NREP: variants seen among roughly 807,000 people sequenced by gnomAD.
NREP encodes neuronal regeneration-related protein.
Under a neutral mutation model 8.6 loss-of-function variants are expected in NREP, and 5 were observed. That is an observed-to-expected ratio of 0.58 (90% CI 0.30 to 1.22). The LOEUF is 1.22. Among genes scored for constraint, NREP ranks in the 50% most tolerant of loss-of-function variants. The pLI is 0.07. For missense variants in NREP, 86 were observed against 82.5 expected, an observed-to-expected ratio of 1.04 and a Z score of -0.17; for synonymous variants, 27 against 28.0, an observed-to-expected ratio of 0.96 and a Z score of 0.11.
chr5:111,946,364 G>A (rs1271279639), intron 2 of NREP, among the ~76,000 whole-genome samples: 1 of 151,980 alleles, frequency 6.6e-6, no homozygotes, highest in East Asian at 1.9e-4. Context: ...CTACACTGAA[G>A]TTCTTCACAA....
In NREP at chr5:111,914,858, G is replaced by A. The variant is rs551469625; in HGVS notation, c.135+60416C>T. 7.2e-5 allele frequency among the ~76,000 whole-genome samples: 11 copies of A among 152,236 alleles called. No individual in the cohort carries two copies. In the South Asian group the frequency reaches 2.3e-3, roughly 32 times the overall value. On this transcript the variant is annotated intron_variant, in intron 2 of 3. Coordinates refer to the NREP transcript ENST00000395634. ...AAAGCTTAAACATGCAATTTTATCTGATATGAACTTAGGAATGTGCCCAAG... is the reference window on the plus strand; with the variant it reads ...AAAGCTTAAACATGCAATTTTATCTAATATGAACTTAGGAATGTGCCCAAG...
At chr5:111,910,646 C>A (rs1430762095) in intron 2 of NREP, among the ~76,000 whole-genome samples, 1 of 151,958 alleles carries the variant, frequency 6.6e-6, no homozygotes, top group Admixed American at 6.6e-5. Context: ...TGGGCACTAT[C>A]AAAGCACCAG....
At chr5:111,800,209 C>A (rs193281634) in intron 2 of NREP, among the ~76,000 whole-genome samples, 5 of 151,942 alleles carry the variant, frequency 3.3e-5, no homozygotes, top group African/African-American at 1.2e-4. Context: ...ATTACAGGCG[C>A]GGGCCACCAC....
At chr5:111,905,935 T>C (rs1754769134) in intron 2 of NREP, among the ~76,000 whole-genome samples, 1 of 152,076 alleles carries the variant, frequency 6.6e-6, no homozygotes, top group African/African-American at 2.4e-5. Context: ...CATAGTAATA[T>C]TTATATTGGT....
chr5:111,797,643 A>T (rs1264884337), intron 2 of NREP, among the ~76,000 whole-genome samples: 2 of 152,186 alleles, frequency 1.3e-5, no homozygotes, highest in African/African-American at 4.8e-5. Flanking sequence ...CAGATGTCAA[A>T]TGAGTACAAA....
intron 2 of NREP, among the ~76,000 whole-genome samples, chr5:111,971,423 T>TA (rs925396106): frequency 9.2e-5 from 14 of 151,400 alleles, no homozygotes; most frequent in South Asian, 2.1e-4. Flanking sequence ...ACTAAACAAA[T>TA]AAAAAAAACA....
At chr5:111,807,953 C>T (rs1752178423) in intron 2 of NREP, among the ~76,000 whole-genome samples, 1 of 152,056 alleles carries the variant, frequency 6.6e-6, no homozygotes, top group Non-Finnish European at 1.5e-5. Flanking sequence ...ACAACAAAAC[C>T]CTCTCAATTC....
chr5:111,812,382 A>G (rs1198198441), intron 2 of NREP, among the ~76,000 whole-genome samples: 1 of 152,222 alleles, frequency 6.6e-6, no homozygotes, highest in Non-Finnish European at 1.5e-5. Context: ...TGACCTAAGC[A>G]AAGATCATGA....
intron 2 of NREP, among the ~76,000 whole-genome samples, chr5:111,804,892 T>C (rs1023520680): frequency 6.6e-6 from 1 of 152,052 alleles, no homozygotes; most frequent in East Asian, 1.9e-4. Context: ...GCCCAGCTAC[T>C]GGGGAGGCTG....
At chr5:111,846,438 T>C (rs1392604915) in intron 2 of NREP, 2 of 126,712 alleles carry the variant, frequency 1.6e-5, no homozygotes, top group Admixed American at 1.6e-4. Context: ...TTTTTTTTTT[T>C]TTTTTTTGTC....
At chr5:111,851,679 C>T (rs1326510208) in intron 2 of NREP, among the ~76,000 whole-genome samples, 1 of 151,994 alleles carries the variant, frequency 6.6e-6, no homozygotes, top group Admixed American at 6.6e-5. Flanking sequence ...TACAAAATTT[C>T]CCTTAGAAAG....
intron 2 of NREP, among the ~76,000 whole-genome samples, chr5:111,903,601 A>G (rs1162187197): frequency 6.6e-6 from 1 of 152,130 alleles, no homozygotes; most frequent in Non-Finnish European, 1.5e-5. Context: ...TTAAGCCAGC[A>G]ATTTTCATCA....
chr5:111,785,530 G>A (rs570508515), intron 2 of NREP, among the ~76,000 whole-genome samples: 124 of 152,098 alleles, frequency 8.2e-4, no homozygotes, highest in Non-Finnish European at 1.6e-3. Flanking sequence ...TGCCTGCCTC[G>A]GCCTCCCAAA....
chr5:111,879,957 T>A (rs1451928556), intron 2 of NREP, among the ~76,000 whole-genome samples: 2 of 152,200 alleles, frequency 1.3e-5, no homozygotes, highest in Non-Finnish European at 2.9e-5. Flanking sequence ...CCAAATATCA[T>A]CACCTTAAGG....
intron 3 of NREP, chr5:111,731,999 G>A (rs1428904929): frequency 6.6e-6 from 1 of 152,140 alleles, no homozygotes; most frequent in East Asian, 1.9e-4. Flanking sequence ...AAGATTTGAC[G>A]ATGGTCTCTC....
chr5:111,733,224 T>G (rs1280799893), intron 3 of NREP: 1 of 152,184 alleles, frequency 6.6e-6, no homozygotes, highest in East Asian at 1.9e-4. Context: ...AGAGAGAGAT[T>G]GAAACAGAAA....
intron 2 of NREP, among the ~76,000 whole-genome samples, chr5:111,944,596 G>A (rs1755925691): frequency 6.6e-6 from 1 of 152,056 alleles, no homozygotes; most frequent in Admixed American, 6.6e-5. Flanking sequence ...CATGGGCCAT[G>A]ACAACCAGCC....
intron 2 of NREP, chr5:111,912,363 C>T (rs1313039153): frequency 1.3e-5 from 2 of 152,256 alleles, no homozygotes; most frequent in Admixed American, 6.6e-5. Flanking sequence ...TCACTTCATC[C>T]ACCCTGCACC....
intron 2 of NREP, among the ~76,000 whole-genome samples, chr5:111,942,729 C>A (rs995507643): frequency 6.6e-6 from 1 of 151,918 alleles, no homozygotes; most frequent in East Asian, 1.9e-4. Flanking sequence ...ATTTTACTGT[C>A]ATCACCCATA....
Sources: allele counts gnomAD v4.1 joint callset (sites outside exome capture counted in the v4.1 genomes callset), GRCh38; gene constraint gnomAD v4.1.1; transcripts MANE v1.5; gene names NCBI Gene and HGNC (gene_info 2026-07-23, HGNC 2026-07-21).